ZNF528: variants seen among roughly 807,000 people sequenced by gnomAD.
ZNF528 encodes the protein zinc finger protein 528.
In ZNF528, 9 loss-of-function variants were observed where a neutral mutation model predicts 13.3. The observed-to-expected ratio is 0.67, with a 90% confidence interval of 0.41 to 1.18. ZNF528 has a LOEUF of 1.18. Among genes scored for constraint, ZNF528 ranks in the 50% most tolerant of loss-of-function variants. The probability of loss-of-function intolerance (pLI) is 0.01; values close to 1 mark genes in which losing one functional copy is unlikely to be tolerated. For missense variants in ZNF528, 858 were observed against 745.4 expected (o/e 1.15, Z -1.76); for synonymous variants, 264 against 254.3 (o/e 1.04, Z -0.36).
rs1599843712 is a variant in ZNF528 at position 52,415,756 on chromosome 19, T to C, written c.904T>C (p.Cys302Arg). 6.2e-7 allele frequency: 1 copy of C among 1,614,152 alleles called. No homozygotes were observed. The highest frequency in any genetic ancestry group is 8.5e-7 in the Non-Finnish European group (1 of 1,180,040). ...AGAGAAGCCTTACAAATGTCATGAA[T>C]GTGACAAGGTCTTCAATCAAATTGC... The part of the protein sequence containing the change: ...TGEKPYKCHE[C>R]DKVFNQIAHL... Residue 302 changes from cysteine to arginine, a missense_variant, in exon 7 of 7, where the codon TGT (cysteine) becomes CGT (arginine). By Grantham distance (180) the Cys-to-Arg change is radical. Transcript: ENST00000360465.
chr19:52,416,793 A>G lies in ZNF528; in HGVS notation c.*54A>G. On this transcript the variant is annotated 3_prime_UTR_variant, in exon 7 of 7. Transcript: ENST00000360465. ...ATCATCATGAGTTCTAGCATTAATC[A>G]ACATCAGTGAGTCCATACTAAGTGG... is the stretch of plus-strand genomic sequence containing the variant. 1.3e-6 allele frequency: 2 copies of G among 1,503,812 alleles called. No homozygotes were observed. The highest frequency in any genetic ancestry group is 1.8e-4 in the Middle Eastern group (1 of 5,616). 93.2% of individuals were successfully genotyped at this position (1,503,812 alleles called of 1,614,324 possible).
At position 52,415,527 on chromosome 19, in the gene ZNF528, T is replaced by G. The variant is rs1198645505; in HGVS notation, c.675T>G (p.Ser225Arg). Residue 225 changes from serine to arginine, a missense_variant, in exon 7 of 7, where the codon AGT becomes AGG. Ser to Arg is a moderately radical substitution (Grantham distance 110). Coordinates refer to ENST00000360465, the MANE Select transcript of ZNF528 (RefSeq NM_032423.3). ...CSECGKVFSC[S>R]SKLVIHRRMH... is the part of the protein sequence containing the mutation. ...AATGTGGCAAGGTCTTTAGTTGCAG[T>G]TCAAAGCTTGTGATACATCGAAGAA... The G allele has an allele frequency of 1.2e-6, 2 of 1,614,120 alleles. No individual in the cohort carries two copies. The highest frequency in any genetic ancestry group is 8.5e-7 in the Non-Finnish European group (1 of 1,180,016).
chr19:52,404,932 T>C (rs1218352136), intron 4 of ZNF528, among the ~76,000 whole-genome samples: 2 of 151,722 alleles, frequency 1.3e-5, no homozygotes, highest in Admixed American at 6.6e-5. Flanking sequence ...CTACAATAGG[T>C]TGGGGCCGGG....
chr19:52,406,076 G>C, intron 5 of ZNF528, 43 bp downstream of exon 5: 3 of 1,583,388 alleles, frequency 1.9e-6, no homozygotes, highest in Non-Finnish European at 2.6e-6. Context: ...TGCCCTGGTG[G>C]ATCTCTGAAT....
In ZNF528 at chr19:52,415,240, T is replaced by G. The variant is rs1242499356; in HGVS notation, c.388T>G (p.Ser130Ala). The G allele has an allele frequency of 1.2e-6, 2 of 1,614,008 alleles. No individual in the cohort carries two copies. Among genetic ancestry groups the G allele is most frequent in the African/African-American group, 2.7e-5 (2 of 74,934 alleles). ...LQLFQAERKI[S>A]GCKHFEKPVS... ...GCTATTTCAAGCTGAAAGGAAAATT[T>G]CTGGGTGTAAGCATTTTGAAAAACC... The change falls in exon 7 of 7, where the codon TCT becomes GCT. Residue 130 changes from serine (S) to alanine (A), a missense_variant. Physicochemically the swap from Ser to Ala is moderately conservative, Grantham distance 99. Transcript: ENST00000360465.
Position 52,416,084 on chromosome 19 carries a change from G to A in ZNF528, c.1232G>A (p.Cys411Tyr), listed in dbSNP as rs1555742758. ...CATACTAGAGAGAGACCTTATGGAT[G>A]CAGTCAGTGTGGCAAGATCTTTAGT... Reference protein sequence around the residue: ...RIHTRERPYGCSQCGKIFSQK... With the variant: ...RIHTRERPYGYSQCGKIFSQK... The change falls in exon 7 of 7, where the codon TGC (cysteine) becomes TAC (tyrosine). Residue 411 changes from cysteine (C) to tyrosine (Y), a missense_variant. Physicochemically the swap from Cys to Tyr is radical, Grantham distance 194. Coordinates refer to ENST00000360465, the MANE Select transcript of ZNF528 (RefSeq NM_032423.3). 1.2e-6 allele frequency: 2 copies of A among 1,614,014 alleles called. No individual in the cohort carries two copies. The highest frequency in any genetic ancestry group is 2.2e-5 in the South Asian group (2 of 91,084).
intron 6 of ZNF528, among the ~76,000 whole-genome samples, chr19:52,411,205 A>G (rs1212326402): frequency 6.6e-6 from 1 of 152,206 alleles, no homozygotes; most frequent in Non-Finnish European, 1.5e-5. Flanking sequence ...TGGTGACATA[A>G]TGTAGGACTG....
At chr19:52,407,058 C>T (rs948864361) in intron 6 of ZNF528, among the ~76,000 whole-genome samples, 2 of 152,022 alleles carry the variant, frequency 1.3e-5, no homozygotes, top group South Asian at 4.1e-4. Context: ...GGTCCTCCCA[C>T]CTCAGCCTCC....
intron 4 of ZNF528, among the ~76,000 whole-genome samples, chr19:52,405,060 A>G (rs1467473199): frequency 6.6e-6 from 1 of 151,862 alleles, no homozygotes; most frequent in African/African-American, 2.4e-5. Flanking sequence ...TACTAAAAAT[A>G]CAAAAAATTA....
chr19:52,407,741 G>T (rs111764567), intron 6 of ZNF528, among the ~76,000 whole-genome samples: 4 of 152,174 alleles, frequency 2.6e-5, no homozygotes, highest in African/African-American at 9.6e-5. Flanking sequence ...GCACCACTGC[G>T]CCCTAGCTTG....
chr19:52,399,061 A>G (rs1471097278), intron 2 of ZNF528, among the ~76,000 whole-genome samples: 1 of 152,184 alleles, frequency 6.6e-6, no homozygotes, highest in African/African-American at 2.4e-5. Flanking sequence ...AAAATGGATC[A>G]GAACAGGTGG....
At chr19:52,401,918 G>C in intron 3 of ZNF528, 29 bp from the exon 4 acceptor site, 2 of 1,604,558 alleles carry the variant, frequency 1.2e-6, no homozygotes, top group Non-Finnish European at 1.7e-6. Context: ...TTGATTCTAA[G>C]CCCTAAGCAG....
Position 52,416,966 on chromosome 19 carries a change from G to T in ZNF528, c.*227G>T. 1 of 501,014 alleles carries T rather than the reference G, an allele frequency of 2.0e-6. No individual in the cohort carries two copies. The highest frequency in any genetic ancestry group is 3.1e-5 in the East Asian group (1 of 32,420). 31.0% of individuals were successfully genotyped at this position (501,014 alleles called of 1,614,324 possible). ...TTCAAGGACCATTGCTATAGAACAC[G>T]ATAGGATTTACACAAGAAGTAACTC... On this transcript the variant is annotated 3_prime_UTR_variant, in exon 7 of 7. Transcript: ENST00000360465.
Position 52,415,832 on chromosome 19 carries a change from G to T in ZNF528, c.980G>T (p.Cys327Phe). 6.2e-7 allele frequency: 1 copy of T among 1,614,030 alleles called. No individual in the cohort carries two copies. The highest frequency in any genetic ancestry group is 1.1e-5 in the South Asian group (1 of 91,078). The change falls in exon 7 of 7, where the codon TGT becomes TTT. Residue 327 changes from cysteine (C) to phenylalanine (F), a missense_variant. Coordinates refer to ENST00000360465, the MANE Select transcript of ZNF528 (RefSeq NM_032423.3). Reference sequence around the variant, plus strand: ...CATACTGGAGAGAAACCTTACAGTTGTAATAAATGTGGCAAGGTCTTTAGT... The same window carrying T: ...CATACTGGAGAGAAACCTTACAGTTTTAATAAATGTGGCAAGGTCTTTAGT... ...KIHTGEKPYS[C>F]NKCGKVFSRH...
chr19:52,403,659 CAAAAAAAA>C (rs398035018), intron 4 of ZNF528, among the ~76,000 whole-genome samples: 3 of 84,976 alleles, frequency 3.5e-5, no homozygotes, highest in East Asian at 7.6e-4. Context: ...GACTCCATCT[CAAAAAAAA>C]AAAAAAAAAA....
At chr19:52,406,786 C>T in intron 6 of ZNF528, 143 bp downstream of exon 6, 1 of 1,127,238 alleles carries the variant, frequency 8.9e-7, no homozygotes, top group Middle Eastern at 2.9e-4. Flanking sequence ...ATCTCCCTGG[C>T]TCGCTCTTCC....
At chr19:52,402,706 C>T (rs567238087) in intron 4 of ZNF528, among the ~76,000 whole-genome samples, 1 of 152,120 alleles carries the variant, frequency 6.6e-6, no homozygotes, top group African/African-American at 2.4e-5. Context: ...CCAGCCATAT[C>T]CAATGATTTC....
chr19:52,402,179 G>C (rs2058802504), intron 4 of ZNF528, 151 bp downstream of exon 4: 13 of 1,162,350 alleles, frequency 1.1e-5, no homozygotes, highest in Non-Finnish European at 1.5e-5. Context: ...ATTTCCGCTT[G>C]AGATTTCAGT....
At chr19:52,412,120 G>A (rs1355021828) in intron 6 of ZNF528, 1 of 152,200 alleles carries the variant, frequency 6.6e-6, no homozygotes, top group Admixed American at 6.5e-5. Context: ...AGAGGCTATG[G>A]ATTGGGATAG....
Sources: allele counts gnomAD v4.1 joint callset (sites outside exome capture counted in the v4.1 genomes callset), GRCh38; gene constraint gnomAD v4.1.1; transcripts MANE v1.5; gene names NCBI Gene and HGNC (gene_info 2026-07-23, HGNC 2026-07-21).